The following DIP2C variants were observed in gnomAD, a reference collection of about 807,000 sequenced individuals.
The protein encoded by DIP2C is disco-interacting protein 2 homolog C.
DIP2C carries 33 observed loss-of-function variants against 192.4 expected under a neutral mutation model. The ratio of observed to expected loss-of-function variants is 0.17; its 90% confidence interval spans 0.13 to 0.23. The LOEUF is 0.23. Among genes scored for constraint, DIP2C ranks in the 10% least tolerant of loss-of-function variants. The probability of loss-of-function intolerance (pLI) is 1.00; values close to 1 mark genes in which losing one functional copy is unlikely to be tolerated. For synonymous variants in DIP2C, 979 were observed against 864.1 expected (o/e 1.13, Z -2.33); for missense variants, 1,537 against 2,110.1 (o/e 0.73, Z 5.32).
At chr10:342,029 G>A (rs566058976) in intron 28 of DIP2C, among the ~76,000 whole-genome samples, 1 of 152,286 alleles carries the variant, frequency 6.6e-6, no homozygotes, top group East Asian at 1.9e-4. Context: ...ATTTTCACTG[G>A]AGTTCTCATT....
intron 4 of DIP2C, among the ~76,000 whole-genome samples, chr10:433,721 C>T (rs1010198855): frequency 6.6e-6 from 1 of 152,018 alleles, no homozygotes. Flanking sequence ...ACATTTATAT[C>T]TTTTTCTATC....
At chr10:655,512 C>A (rs2132036827) in intron 1 of DIP2C, among the ~76,000 whole-genome samples, 1 of 151,930 alleles carries the variant, frequency 6.6e-6, no homozygotes, top group East Asian at 1.9e-4. Flanking sequence ...ACTCACTGTC[C>A]TCTCTGTTCT....
intron 1 of DIP2C, among the ~76,000 whole-genome samples, chr10:498,910 T>C (rs1207144622): frequency 6.6e-6 from 1 of 152,136 alleles, no homozygotes. Context: ...GAATGTGGAT[T>C]TTCTATGGTG....
chr10:307,776 G>A (rs896436081), intron 32 of DIP2C, among the ~76,000 whole-genome samples: 1 of 152,240 alleles, frequency 6.6e-6, no homozygotes, highest in African/African-American at 2.4e-5. Context: ...AGAAAGAGCG[G>A]CACACGGTCC....
chr10:420,749 G>T lies in DIP2C; in HGVS notation c.605-1550C>A, dbSNP rs528676670. Among the ~76,000 whole-genome samples, 10 of 152,296 alleles carry T rather than the reference G, an allele frequency of 6.6e-5. No individual in the cohort carries two copies. In the East Asian group the frequency reaches 1.5e-3, roughly 24 times the overall value. On this transcript the variant is annotated intron_variant, in intron 5 of 36. Coordinates refer to ENST00000280886, the MANE Select transcript of DIP2C (RefSeq NM_014974.3). ...TGGAAAAAATCCACAAAGGACTTGA[G>T]ATTTTGCTTCAACAGCAAGTAGAAG... is the stretch of plus-strand genomic sequence containing the variant.
intron 4 of DIP2C, among the ~76,000 whole-genome samples, chr10:439,597 C>T (rs559142505): frequency 6.6e-6 from 1 of 152,172 alleles, no homozygotes; most frequent in Admixed American, 6.5e-5. Context: ...GAATTCTGAC[C>T]GTGGCGATAG....
intron 3 of DIP2C, among the ~76,000 whole-genome samples, chr10:467,735 T>G (rs149505494): frequency 0.028 from 4,256 of 151,926 alleles, 103 homozygotes; most frequent in Non-Finnish European, 0.045. Context: ...TTCTCACTCA[T>G]AAATGGGAGT....
chr10:375,120 CAG>C (rs1164336641), intron 17 of DIP2C, among the ~76,000 whole-genome samples: 6 of 152,236 alleles, frequency 3.9e-5, no homozygotes, highest in African/African-American at 1.4e-4. Context: ...TAAAGGACAA[CAG>C]AGTCTGGATG....
chr10:445,989 C>A (rs925083096), intron 3 of DIP2C, among the ~76,000 whole-genome samples: 16 of 151,854 alleles, frequency 1.1e-4, no homozygotes, highest in African/African-American at 3.9e-4. Flanking sequence ...CACTGGGCAT[C>A]TGTATACATC....
At chr10:427,989 G>A (rs577245594) in intron 4 of DIP2C, among the ~76,000 whole-genome samples, 9 of 152,124 alleles carry the variant, frequency 5.9e-5, no homozygotes, top group African/African-American at 2.2e-4. Context: ...CATAATTGCC[G>A]AATAGAGGAA....
chr10:334,101 T>G (rs1957631013), intron 29 of DIP2C, among the ~76,000 whole-genome samples: 1 of 151,994 alleles, frequency 6.6e-6, no homozygotes, highest in Non-Finnish European at 1.5e-5. Context: ...GGTAAGGAGT[T>G]CAAGACCAGC....
chr10:329,558 G>T lies in DIP2C; in HGVS notation c.3628C>A (p.Leu1210Met), dbSNP rs1468504366. The T allele has an allele frequency of 6.2e-7, 1 of 1,614,104 alleles. No individual in the cohort carries two copies. The highest frequency in any genetic ancestry group is 1.3e-5 in the African/African-American group (1 of 74,938). Residue 1210 changes from leucine (L) to methionine (M), a missense_variant, in exon 30 of 37, where the codon CTG becomes ATG. This residue lies in a region of DIP2C where 341 missense variants were observed against 551.7 expected (regional missense o/e 0.62). Transcript: ENST00000280886. ...AGCCACAAGGCGGGGTTGGTTTCCA[G>T]CTCAGAGGGCGGGATCAGGATGGAC... ...HQSILIPPSE[L>M]ETNPALWLLA...
At chr10:331,837 C>G (rs1408172670) in intron 29 of DIP2C, among the ~76,000 whole-genome samples, 1 of 152,198 alleles carries the variant, frequency 6.6e-6, no homozygotes, top group Non-Finnish European at 1.5e-5. Flanking sequence ...AATTTTTACT[C>G]TGCTGTAAAC....
intron 1 of DIP2C, among the ~76,000 whole-genome samples, chr10:504,300 T>C (rs1365109042): frequency 6.6e-6 from 1 of 152,234 alleles, no homozygotes; most frequent in African/African-American, 2.4e-5. Context: ...AACAGCCGTC[T>C]GCCATGGGGC....
intron 3 of DIP2C, among the ~76,000 whole-genome samples, chr10:446,246 CT>C (rs1214788221): frequency 1.3e-5 from 2 of 152,084 alleles, no homozygotes; most frequent in African/African-American, 4.8e-5. Context: ...CACTGGGCAT[CT>C]GTATACACCT....
At position 276,451 on chromosome 10, in the gene DIP2C, A is replaced by G. The variant is rs1954523358; in HGVS notation, c.*874T>C. The G allele has an allele frequency of 6.6e-6, 1 of 152,660 alleles. No homozygotes were observed. The highest frequency in any genetic ancestry group is 6.5e-5 in the Admixed American group (1 of 15,290). 9.5% of individuals were successfully genotyped at this position (152,660 alleles called of 1,614,324 possible). On this transcript the variant is annotated 3_prime_UTR_variant, in exon 37 of 37. Transcript: ENST00000280886. Reference sequence around the variant, plus strand: ...ATCTCCTTTGTTCATTAGTGAATTTATATTTCATATATATATATTTGTTGT... The same window carrying G: ...ATCTCCTTTGTTCATTAGTGAATTTGTATTTCATATATATATATTTGTTGT...
intron 1 of DIP2C, among the ~76,000 whole-genome samples, chr10:614,295 T>TC (rs1853295982): frequency 6.6e-6 from 1 of 152,148 alleles, no homozygotes. Flanking sequence ...TGGGTGCATT[T>TC]CCCCTGGAGA....
chr10:341,157 G>A, intron 29 of DIP2C, 42 bp downstream of exon 29: 1 of 1,613,106 alleles, frequency 6.2e-7, no homozygotes, highest in Non-Finnish European at 8.5e-7. Flanking sequence ...AGAGGAAGGT[G>A]CATGATTTTT....
intron 4 of DIP2C, among the ~76,000 whole-genome samples, chr10:437,027 C>T (rs1376135770): frequency 4.4e-4 from 43 of 96,890 alleles, no homozygotes; most frequent in East Asian, 3.1e-3. Flanking sequence ...GAGCTCTCTC[C>T]GAGCTCCGCC....
Sources: allele counts gnomAD v4.1 joint callset (sites outside exome capture counted in the v4.1 genomes callset), GRCh38; gene constraint gnomAD v4.1.1; regional missense constraint gnomAD v4.1.1; transcripts MANE v1.5; gene names NCBI Gene and HGNC (gene_info 2026-07-23, HGNC 2026-07-21).